MTRR: variants seen among roughly 807,000 people sequenced by gnomAD.
MTRR encodes the protein methionine synthase reductase.
Under a neutral mutation model 79.2 loss-of-function variants are expected in MTRR, and 63 were observed. That is an observed-to-expected ratio of 0.80 (90% CI 0.65 to 0.98). The LOEUF is 0.98. Ranked by LOEUF, MTRR falls within the 50% of genes least tolerant of loss-of-function variation. The probability of loss-of-function intolerance (pLI) is 0.00; values close to 1 mark genes in which losing one functional copy is unlikely to be tolerated. For missense variants in MTRR, 895 were observed against 839.6 expected, an observed-to-expected ratio of 1.07 and a Z score of -0.82; for synonymous variants, 355 against 313.3, an observed-to-expected ratio of 1.13 and a Z score of -1.41.
intron 14 of MTRR, 53 bp from the exon 15 acceptor site, chr5:7,899,861 A>T (rs953582427): frequency 4.4e-5 from 71 of 1,606,642 alleles, no homozygotes; most frequent in Admixed American, 2.3e-4. Context: ...ATTAAGGAGG[A>T]TTTACTAAAA....
rs998437666 is a variant in MTRR, at chr5:7,861,512, G to A, written n.392-439G>A. 2.1e-5 allele frequency: 24 copies of A among 1,121,030 alleles called. No individual in the cohort carries two copies. The African/African-American group carries it at 3.5e-4, about 16-fold the overall frequency. The allele number at this position is 1,121,030 out of a possible 1,614,324, so 69.4% of individuals were successfully genotyped here. A position where few individuals can be genotyped will look rare whatever the true frequency, so the allele number is the denominator to read the frequency against. ...TCATATCTATTTTTTTCACCTTCTTGAGAAAAAGATACCGCTGCTTATTAG... is the reference window on the plus strand; with the variant it reads ...TCATATCTATTTTTTTCACCTTCTTAAGAAAAAGATACCGCTGCTTATTAG... On this transcript the variant is annotated intron_variant and non_coding_transcript_variant, in intron 1 of 3. Coordinates refer to the MTRR transcript ENST00000502509.
At chr5:7,868,951 T>C (rs1356745330), upstream of MTRR, 2 of 717,818 alleles carry the variant, frequency 2.8e-6, no homozygotes, top group Non-Finnish European at 5.0e-6. Context: ...CCGGACCAAC[T>C]GCGCGGAGAC....
intron 14 of MTRR, among the ~76,000 whole-genome samples, chr5:7,898,150 C>T (rs1738848878): frequency 6.6e-6 from 1 of 152,136 alleles, no homozygotes; most frequent in Non-Finnish European, 1.5e-5. Context: ...AATTGAAAAA[C>T]ATTGCTTTAG....
chr5:7,876,144 T>C (rs1452787172), intron 4 of MTRR, among the ~76,000 whole-genome samples: 1 of 150,592 alleles, frequency 6.6e-6, no homozygotes, highest in Non-Finnish European at 1.5e-5. Context: ...ATTCAGCAAA[T>C]GTCTTGCTTT....
chr5:7,873,238 C>T lies in MTRR; in HGVS notation c.130-135C>T, dbSNP rs2126661568. 8 of 1,049,822 alleles carry T rather than the reference C, an allele frequency of 7.6e-6. No homozygotes were observed. In the Middle Eastern group the frequency reaches 8.9e-4, roughly 117 times the overall value. 65.0% of individuals were successfully genotyped at this position (1,049,822 alleles called of 1,614,324 possible). A position where few individuals can be genotyped will look rare whatever the true frequency, so the allele number is the denominator to read the frequency against. ...AAGCTGAGAGCGCCTAGTCACTGGA[C>T]TGGTCGTCTCAAAAAAACTGGCAAG... On this transcript the variant is annotated intron_variant, in intron 2 of 14. Transcript: ENST00000440940.
In MTRR at chr5:7,892,226, C is replaced by T. The variant is rs1341975543; in HGVS notation, c.1371-501C>T. Among the ~76,000 whole-genome samples, 10 of 152,200 alleles carry T rather than the reference C, an allele frequency of 6.6e-5. No individual in the cohort carries two copies. The East Asian group carries it at 1.5e-3, about 24-fold the overall frequency. ...AATTAAGAATGAACTCAAGTTCTTT[C>T]GCATTATTTACCGTGTAATGTGAAA... is the stretch of plus-strand genomic sequence containing the variant. On this transcript the variant is annotated intron_variant, in intron 10 of 14. Coordinates refer to ENST00000440940, the MANE Select transcript of MTRR (RefSeq NM_002454.3).
At chr5:7,892,939 G>A (rs770288254) in intron 11 of MTRR, 26 bp downstream of exon 11, 3 of 1,601,852 alleles carry the variant, frequency 1.9e-6, no homozygotes, top group South Asian at 1.1e-5. Context: ...CTTAACCTCA[G>A]CATTGTTAAC....
intron 4 of MTRR, among the ~76,000 whole-genome samples, 194 bp from the exon 5 acceptor site, chr5:7,877,750 G>A (rs937762629): frequency 2.6e-5 from 4 of 151,678 alleles, no homozygotes; most frequent in Non-Finnish European, 5.9e-5. Flanking sequence ...TTTCAGCTAC[G>A]GTGCTAATGA....
intron 1 of MTRR, chr5:7,869,445 C>T (rs1747474130): frequency 1.1e-5 from 6 of 552,532 alleles, no homozygotes; most frequent in Non-Finnish European, 1.6e-5. Context: ...CGGCCTCTGC[C>T]GCGGGAGGCC....
chr5:7,885,353 T>C lies in MTRR; in HGVS notation c.904-348T>C, dbSNP rs1736242730. The C allele has an allele frequency of 1.2e-5, 3 of 242,784 alleles. No individual in the cohort carries two copies. In the South Asian group the frequency reaches 1.6e-4, roughly 13 times the overall value. The allele number at this position is 242,784 out of a possible 1,614,324, so 15.0% of individuals were successfully genotyped here. A position where few individuals can be genotyped will look rare whatever the true frequency, so the allele number is the denominator to read the frequency against. Reference sequence around the variant, plus strand: ...TTCGTGTGTGTGTGCATGTATGTTTTTGTAAGAGGGATTTTTATATTTACA... The same window carrying C: ...TTCGTGTGTGTGTGCATGTATGTTTCTGTAAGAGGGATTTTTATATTTACA... On this transcript the variant is annotated intron_variant, in intron 6 of 14. Transcript: ENST00000440940.
chr5:7,855,514 C>CT (rs1376623964), intron 1 of MTRR, among the ~76,000 whole-genome samples: 18 of 146,500 alleles, frequency 1.2e-4, no homozygotes, highest in African/African-American at 1.5e-4. Flanking sequence ...CAAACTTATA[C>CT]TTTTTTTTTT....
intron 12 of MTRR, among the ~76,000 whole-genome samples, chr5:7,896,258 A>G (rs1337177339): frequency 6.6e-6 from 1 of 152,236 alleles, no homozygotes; most frequent in Non-Finnish European, 1.5e-5. Flanking sequence ...TTTTCAACAG[A>G]ATGTTAATAA....
intron 1 of MTRR, among the ~76,000 whole-genome samples, chr5:7,855,673 T>G (rs1746226061): frequency 1.3e-5 from 2 of 152,176 alleles, no homozygotes; most frequent in Non-Finnish European, 2.9e-5. Flanking sequence ...ATTCTTATAC[T>G]TTTCTTTCAA....
At chr5:7,859,999 G>A (rs1007663289) in intron 1 of MTRR, among the ~76,000 whole-genome samples, 3 of 152,206 alleles carry the variant, frequency 2.0e-5, no homozygotes, top group Non-Finnish European at 4.4e-5. Flanking sequence ...GGAGAGAGCA[G>A]GAGGCGCAGC....
At chr5:7,878,758 G>A (rs575075627) in intron 5 of MTRR, among the ~76,000 whole-genome samples, 1 of 152,370 alleles carries the variant, frequency 6.6e-6, no homozygotes, top group South Asian at 2.1e-4. Flanking sequence ...AGTGAGTTGA[G>A]TATCACATTG....
At chr5:7,877,816 G>T in intron 4 of MTRR, 128 bp from the exon 5 acceptor site, 1 of 1,260,394 alleles carries the variant, frequency 7.9e-7, no homozygotes, top group East Asian at 2.3e-5. Context: ...TTTGTATTCC[G>T]AATGGTCTTC....
intron 1 of MTRR, among the ~76,000 whole-genome samples, chr5:7,860,095 G>A (rs1368066597): frequency 6.6e-6 from 1 of 152,134 alleles, no homozygotes; most frequent in Non-Finnish European, 1.5e-5. Context: ...ACCATTGGAG[G>A]GTCTTGAATG....
intron 4 of MTRR, among the ~76,000 whole-genome samples, chr5:7,877,698 C>A (rs1017920013): frequency 6.6e-6 from 1 of 152,066 alleles, no homozygotes; most frequent in African/African-American, 2.4e-5. Context: ...AGAATATCTT[C>A]CTATCCCTCT....
At chr5:7,889,509 T>C (rs1436121575) in intron 9 of MTRR, among the ~76,000 whole-genome samples, 2 of 152,150 alleles carry the variant, frequency 1.3e-5, no homozygotes, top group African/African-American at 2.4e-5. Flanking sequence ...TTCCAGACTT[T>C]TGGTTTTCTT....
Sources: allele counts gnomAD v4.1 joint callset (sites outside exome capture counted in the v4.1 genomes callset), GRCh38; gene constraint gnomAD v4.1.1; transcripts MANE v1.5; gene names NCBI Gene and HGNC (gene_info 2026-07-23, HGNC 2026-07-21).